Variants in ZC3H7B observed in about 807,000 individuals in gnomAD.
ZC3H7B encodes the protein zinc finger CCCH-type containing 7B.
In ZC3H7B, 35 loss-of-function variants were observed where a neutral mutation model predicts 116.0. The ratio of observed to expected loss-of-function variants is 0.30; its 90% CI spans 0.23 to 0.40. ZC3H7B has a LOEUF of 0.40. Among genes scored for constraint, ZC3H7B ranks in the 10% least tolerant of loss-of-function variants. ZC3H7B has a pLI of 1.00. For synonymous variants in ZC3H7B, 502 were observed against 545.6 expected, an observed-to-expected ratio of 0.92 and a Z score of 1.11; for missense variants, 1,011 against 1,321.5, an observed-to-expected ratio of 0.77 and a Z score of 3.64.
At chr22:41,316,733 G>T (rs527357201) in intron 1 of ZC3H7B, among the ~76,000 whole-genome samples, 37 of 151,560 alleles carry the variant, frequency 2.4e-4, no homozygotes, top group African/African-American at 9.0e-4. Flanking sequence ...GTAGTGCAAC[G>T]GCGCAATCTT....
In ZC3H7B at chr22:41,327,395, C is replaced by T. The variant is rs375039632; in HGVS notation, c.444+31C>T. On this transcript the variant is annotated intron_variant, in intron 5 of 22. Coordinates refer to ENST00000352645, the MANE Select transcript of ZC3H7B (RefSeq NM_017590.6). This position sits in a 1 kb window ranked among gnomAD's most constrained non-coding sequence, Gnocchi z 4.5. ...TGTGGCTCTGCAGCCACGCCGGTGCCTGCTCAGAGGCCAGGCTTCTGACCT... is the reference window on the plus strand; with the variant it reads ...TGTGGCTCTGCAGCCACGCCGGTGCTTGCTCAGAGGCCAGGCTTCTGACCT... The T allele has an allele frequency of 4.2e-5, 68 of 1,601,520 alleles. No individual in the cohort carries two copies. Among genetic ancestry groups the T allele is most frequent in the Admixed American group, 1.5e-4 (9 of 59,924 alleles).
At chr22:41,352,945 T>C (rs1469619427) in intron 17 of ZC3H7B, among the ~76,000 whole-genome samples, 1 of 151,734 alleles carries the variant, frequency 6.6e-6, no homozygotes, top group Non-Finnish European at 1.5e-5. Context: ...CCGGGCATGG[T>C]GGCGGGCACC....
chr22:41,314,958 AT>A (rs1424321288), intron 1 of ZC3H7B, among the ~76,000 whole-genome samples: 47 of 92,202 alleles, frequency 5.1e-4, no homozygotes, highest in Admixed American at 4.5e-3. Flanking sequence ...TCCAAAAAAA[AT>A]AAATAAATAA....
At position 41,356,012 on chromosome 22, in the gene ZC3H7B, C is replaced by A; in HGVS notation, c.2333C>A (p.Ala778Glu). ...CAATATGTGGGGAACTGCTCCTTCG[C>A]ACACAGCCCGGAGGAGAGGGACATG... is the stretch of plus-strand genomic sequence containing the variant. ...KCQYVGNCSFAHSPEERDMWT... is the reference protein window; with the variant it reads ...KCQYVGNCSFEHSPEERDMWT... Residue 778 changes from alanine to glutamate, a missense_variant, in exon 20 of 23, where the codon GCA (alanine) becomes GAA (glutamate). Physicochemically the swap from Ala to Glu is moderately radical, Grantham distance 107. Around this residue, in one of 5 missense-constraint regions of ZC3H7B, gnomAD observed 406 missense variants for 590.2 expected, o/e 0.69. Coordinates refer to ENST00000352645, the MANE Select transcript of ZC3H7B (RefSeq NM_017590.6). 6.4e-7 allele frequency: 1 copy of A among 1,568,286 alleles called. No individual in the cohort carries two copies. Among genetic ancestry groups the A allele is most frequent in the African/African-American group, 1.4e-5 (1 of 73,088 alleles).
In ZC3H7B at chr22:41,340,035, C is replaced by T; in HGVS notation, c.1036C>T (p.Leu346=). 1 of 1,611,368 alleles carries T rather than the reference C, an allele frequency of 6.2e-7. No individual in the cohort carries two copies. The highest frequency in any genetic ancestry group is 1.1e-5 in the South Asian group (1 of 91,076). The part of the protein sequence containing the change: ...LDALDPPGPT[L]DPLDLLPYSE... ...TGCCCTCGATCCCCCGGGCCCCACG[C>T]TGGACCCCCTGGACCTGCTGCCGTA... The change falls in exon 10 of 23, where the codon CTG becomes TTG. Residue 346 remains leucine (L), a synonymous_variant. Transcript: ENST00000352645.
rs117379931 is a variant in ZC3H7B at position 41,315,786 on chromosome 22, G to T, written c.-6-4869G>T. ...AGGACAGTAATCCTGTTGGATCAGG[G>T]CCCTACCCTTATGCCCTCATTTAAC... On this transcript the variant is annotated intron_variant, in intron 1 of 22. Coordinates refer to ENST00000352645, the MANE Select transcript of ZC3H7B (RefSeq NM_017590.6). Among the ~76,000 whole-genome samples the T allele has an allele frequency of 1.2e-3, 185 of 152,132 alleles. 4 individuals are homozygous for T. The East Asian group carries it at 0.033, about 27-fold the overall frequency.
rs747898612 is a variant in ZC3H7B, at chr22:41,338,992, C to T, written c.626-9C>T. On this transcript the variant is annotated splice_polypyrimidine_tract_variant and intron_variant, in intron 8 of 22. Transcript: ENST00000352645. This position sits in a 1 kb window ranked among gnomAD's most constrained non-coding sequence, Gnocchi z 4.5. ...GCTCCCCTTCGGCTCTTGCCCACCC[C>T]ATCCGCAGACTGCTACGTGGACCCT... The T allele has an allele frequency of 7.1e-6, 11 of 1,548,310 alleles. No homozygotes were observed. In the Admixed American group the frequency reaches 1.8e-4, roughly 26 times the overall value.
intron 10 of ZC3H7B, 67 bp from the exon 11 acceptor site, chr22:41,341,021 A>T (rs2036516253): frequency 2.0e-6 from 3 of 1,498,692 alleles, no homozygotes; most frequent in Non-Finnish European, 2.8e-6. Context: ...CATAAGGGGA[A>T]GCCCTAGGAA....
At chr22:41,320,346 AAAG>A (rs1260202400) in intron 1 of ZC3H7B, among the ~76,000 whole-genome samples, 1 of 151,928 alleles carries the variant, frequency 6.6e-6, no homozygotes, top group Non-Finnish European at 1.5e-5. Context: ...AAAAAAAAAA[AAAG>A]AGTTTTCCCT....
intron 2 of ZC3H7B, among the ~76,000 whole-genome samples, chr22:41,321,048 C>T (rs997502255): frequency 4.6e-5 from 7 of 152,128 alleles, no homozygotes; most frequent in African/African-American, 1.7e-4. Flanking sequence ...GTTACAATCT[C>T]AGTCTCCGTG....
chr22:41,321,826 A>ATTTT (rs1601771237), intron 2 of ZC3H7B, among the ~76,000 whole-genome samples: 1 of 76,866 alleles, frequency 1.3e-5, no homozygotes, highest in African/African-American at 6.0e-5. Context: ...CAAAACTCAC[A>ATTTT]TTCTTTTTTT....
rs1601800599 is a variant in ZC3H7B at position 41,357,382 on chromosome 22, A to C, written c.2887A>C (p.Thr963Pro). Reference protein sequence around the residue: ...LQEDGDLAGATPEAPAAAATA... With the variant: ...LQEDGDLAGAPPEAPAAAATA... ...AGAGGACGGGGACCTTGCCGGTGCCACCCCAGAAGCCCCTGCTGCTGCTGC... is the reference window on the plus strand; with the variant it reads ...AGAGGACGGGGACCTTGCCGGTGCCCCCCCAGAAGCCCCTGCTGCTGCTGC... The change falls in exon 23 of 23, where the codon ACC becomes CCC. Residue 963 changes from threonine (T) to proline (P), a missense_variant. By Grantham distance (38) the Thr-to-Pro change is conservative (BLOSUM62 -1). Around this residue, in one of 5 missense-constraint regions of ZC3H7B, gnomAD observed 406 missense variants for 590.2 expected, o/e 0.69. Coordinates refer to ENST00000352645, the MANE Select transcript of ZC3H7B (RefSeq NM_017590.6). The surrounding 1 kb of genome is among the most constrained non-coding windows in gnomAD (Gnocchi z 5.4). 1.2e-6 allele frequency: 2 copies of C among 1,612,720 alleles called. No homozygotes were observed.
At chr22:41,336,754 G>A (rs1389784047) in intron 7 of ZC3H7B, 1 of 152,120 alleles carries the variant, frequency 6.6e-6, no homozygotes, top group Non-Finnish European at 1.5e-5. Flanking sequence ...CGAGATTAGA[G>A]AATCACTTGA....
At chr22:41,334,636 G>A (rs1569237510) in intron 7 of ZC3H7B, 1 of 152,366 alleles carries the variant, frequency 6.6e-6, no homozygotes, top group Non-Finnish European at 1.5e-5. Flanking sequence ...CAGCACACAT[G>A]TGAGCACACA....
chr22:41,356,426 C>T lies in ZC3H7B; in HGVS notation c.2467C>T (p.Arg823Trp), dbSNP rs377591533. 6.8e-6 allele frequency: 11 copies of T among 1,614,020 alleles called. No homozygotes were observed. Among genetic ancestry groups the T allele is most frequent in the African/African-American group, 5.3e-5 (4 of 74,930 alleles). ...KPGEGTPISS[R>W]EGEKQIQMPT... ...TGGAGAAGGGACCCCCATCAGTTCT[C>T]GGGAAGGGGAGAAGCAGATCCAGAT... Residue 823 changes from arginine (R) to tryptophan (W), a missense_variant, in exon 21 of 23, where the codon CGG (arginine) becomes TGG (tryptophan). Arg to Trp is a moderately radical substitution (Grantham distance 101, BLOSUM62 -3). Transcript: ENST00000352645.
intron 17 of ZC3H7B, among the ~76,000 whole-genome samples, chr22:41,353,523 G>A (rs986320145): frequency 2.0e-5 from 3 of 152,232 alleles, no homozygotes; most frequent in African/African-American, 7.2e-5. Context: ...GGACCCTCGG[G>A]CTCAGAGGGG....
At chr22:41,354,109 C>T (rs1053871844) in intron 17 of ZC3H7B, among the ~76,000 whole-genome samples, 2 of 152,202 alleles carry the variant, frequency 1.3e-5, no homozygotes, top group Non-Finnish European at 2.9e-5. Context: ...CAGTCATCAA[C>T]GTGGGCATGG....
chr22:41,320,852 G>C (rs2036247161), intron 2 of ZC3H7B, 139 bp downstream of exon 2: 1 of 1,165,332 alleles, frequency 8.6e-7, no homozygotes, highest in Non-Finnish European at 1.2e-6. Context: ...GGTGCGGGCA[G>C]GTGGGAGGAG....
At chr22:41,345,859 C>G in intron 13 of ZC3H7B, 144 bp from the exon 14 acceptor site, 1 of 811,600 alleles carries the variant, frequency 1.2e-6, no homozygotes, top group Non-Finnish European at 2.0e-6. Flanking sequence ...GCAGCAGCCC[C>G]TGGCTCACCT....
Sources: allele counts gnomAD v4.1 joint callset (sites outside exome capture counted in the v4.1 genomes callset), GRCh38; gene constraint gnomAD v4.1.1; regional missense constraint gnomAD v4.1.1; non-coding constraint Gnocchi (gnomAD v3.1); transcripts MANE v1.5; gene names NCBI Gene and HGNC (gene_info 2026-07-23, HGNC 2026-07-21).